Variants in MIPEP observed in about 807,000 individuals in gnomAD.
The protein encoded by MIPEP is mitochondrial intermediate peptidase.
MIPEP carries 79 observed loss-of-function variants against 90.3 expected under a neutral mutation model. That is an observed-to-expected ratio of 0.87 (90% CI 0.73 to 1.05). The LOEUF (loss-of-function observed/expected upper bound fraction) is 1.05, where lower values mean the gene tolerates loss of function less well. Among genes scored for constraint, MIPEP ranks in the 50% least tolerant of loss-of-function variants. The pLI, the probability that MIPEP is intolerant of heterozygous loss-of-function variation, is 0.00. For synonymous variants in MIPEP, 334 were observed against 315.8 expected, an observed-to-expected ratio of 1.06 and a Z score of -0.61; for missense variants, 940 against 905.6, an observed-to-expected ratio of 1.04 and a Z score of -0.49.
At chr13:23,877,098 A>G (rs993814069) in intron 4 of MIPEP, among the ~76,000 whole-genome samples, 1 of 152,186 alleles carries the variant, frequency 6.6e-6, no homozygotes, top group Non-Finnish European at 1.5e-5. Context: ...ATGTTCTACT[A>G]TCTGGTATAA....
chr13:23,829,399 G>C (rs999920796), intron 14 of MIPEP, among the ~76,000 whole-genome samples: 1 of 151,656 alleles, frequency 6.6e-6, no homozygotes, highest in Admixed American at 6.6e-5. Flanking sequence ...TGTAAGCCTG[G>C]GCGAAAGAGC....
chr13:23,885,154 C>A (rs187595441), intron 2 of MIPEP, among the ~76,000 whole-genome samples: 2 of 152,172 alleles, frequency 1.3e-5, no homozygotes, highest in Non-Finnish European at 2.9e-5. Context: ...TTTTCAACAA[C>A]ATGGATGGTC....
intron 5 of MIPEP, among the ~76,000 whole-genome samples, chr13:23,871,435 T>G (rs2137520143): frequency 6.6e-6 from 1 of 152,290 alleles, no homozygotes; most frequent in East Asian, 1.9e-4. Flanking sequence ...AGTTATTGGT[T>G]ACTCAAAAAC....
chr13:23,748,167 A>C (rs1427351214), intron 18 of MIPEP, among the ~76,000 whole-genome samples: 1 of 152,214 alleles, frequency 6.6e-6, no homozygotes, highest in Non-Finnish European at 1.5e-5. Flanking sequence ...CAGCCTCCCA[A>C]GTAGCTGTGA....
At chr13:23,734,668 G>A (rs1298179401) in intron 18 of MIPEP, among the ~76,000 whole-genome samples, 1 of 152,100 alleles carries the variant, frequency 6.6e-6, no homozygotes, top group Non-Finnish European at 1.5e-5. Context: ...ACATGGACAC[G>A]TCAGTCTTCC....
Position 23,879,272 on chromosome 13 carries a change from T to C in MIPEP, c.535A>G (p.Thr179Ala), listed in dbSNP as rs1405707541. The C allele has an allele frequency of 2.5e-6, 4 of 1,593,406 alleles. No homozygotes were observed. Among genetic ancestry groups the C allele is most frequent in the African/African-American group, 2.7e-5 (2 of 74,406 alleles). The part of the protein sequence containing the change: ...KKLVDSLDPE[T>A]RRVAELFMFD... ...GGCAAAGAAATGAGTGAGTACCTTG[T>C]TTCTGGATCAAGGGAATCCACAAGT... The change falls in exon 4 of 19, where the codon ACA becomes GCA. Residue 179 changes from threonine to alanine, a missense_variant. Thr to Ala is a moderately conservative substitution (Grantham distance 58, BLOSUM62 0). Coordinates refer to ENST00000382172, the MANE Select transcript of MIPEP (RefSeq NM_005932.4).
intron 17 of MIPEP, 127 bp from the exon 18 acceptor site, chr13:23,756,745 C>A (rs965259324): frequency 2.4e-6 from 2 of 842,820 alleles, no homozygotes; most frequent in African/African-American, 3.4e-5. Context: ...ACAATTTGGC[C>A]CCTATTTTCT....
chr13:23,799,857 T>C (rs1384755824), intron 16 of MIPEP, among the ~76,000 whole-genome samples: 1 of 152,228 alleles, frequency 6.6e-6, no homozygotes, highest in Non-Finnish European at 1.5e-5. Flanking sequence ...TTTGAACAAC[T>C]TTTATGCCAT....
chr13:23,804,766 GT>G (rs1953087298), intron 16 of MIPEP, among the ~76,000 whole-genome samples: 1 of 152,186 alleles, frequency 6.6e-6, no homozygotes, highest in Non-Finnish European at 1.5e-5. Context: ...GACAATTGTA[GT>G]TTATTGATTA....
chr13:23,852,823 T>C (rs1869860604), intron 10 of MIPEP, among the ~76,000 whole-genome samples: 1 of 152,202 alleles, frequency 6.6e-6, no homozygotes, highest in Admixed American at 6.5e-5. Context: ...ATGCCTGTTA[T>C]TTCCCTTGCA....
chr13:23,800,530 A>G (rs1298978797), intron 16 of MIPEP, among the ~76,000 whole-genome samples: 1 of 152,176 alleles, frequency 6.6e-6, no homozygotes, highest in Non-Finnish European at 1.5e-5. Flanking sequence ...TGAGTAGAAA[A>G]TTTTGGATTT....
intron 14 of MIPEP, among the ~76,000 whole-genome samples, chr13:23,819,388 T>A (rs1010921906): frequency 6.6e-6 from 1 of 152,224 alleles, no homozygotes; most frequent in Non-Finnish European, 1.5e-5. Context: ...TGCTAATCAA[T>A]CGGCTTTTTT....
chr13:23,849,591 A>G (rs1869715108), intron 10 of MIPEP, among the ~76,000 whole-genome samples: 1 of 152,238 alleles, frequency 6.6e-6, no homozygotes, highest in South Asian at 2.1e-4. Flanking sequence ...ACAGATTTTC[A>G]GCAAAGAACC....
chr13:23,760,617 G>A (rs1285531531), intron 16 of MIPEP: 1 of 522,512 alleles, frequency 1.9e-6, no homozygotes, highest in African/African-American at 1.9e-5. Flanking sequence ...GGCCTCGGGA[G>A]AAGCCAGATC....
intron 16 of MIPEP, among the ~76,000 whole-genome samples, chr13:23,762,103 C>T (rs9553052): frequency 0.2 from 30,030 of 151,358 alleles, 3,563 homozygotes; most frequent in East Asian, 0.43. Context: ...CCAGCCTAGG[C>T]GACAGAGCAA....
chr13:23,772,856 T>G (rs1260551806), intron 16 of MIPEP, among the ~76,000 whole-genome samples: 1 of 151,184 alleles, frequency 6.6e-6, no homozygotes, highest in East Asian at 1.9e-4. Context: ...TTCCCTGCTC[T>G]AAGACAGTGA....
intron 18 of MIPEP, among the ~76,000 whole-genome samples, chr13:23,754,117 C>CGAGAT (rs1450907049): frequency 6.6e-6 from 1 of 152,148 alleles, no homozygotes; most frequent in Non-Finnish European, 1.5e-5. Context: ...ATACTGCCAA[C>CGAGAT]GAGATCCTGT....
chr13:23,743,330 C>T (rs1952351146), intron 18 of MIPEP, among the ~76,000 whole-genome samples: 1 of 152,246 alleles, frequency 6.6e-6, no homozygotes, highest in Non-Finnish European at 1.5e-5. Context: ...AGATCTGTCT[C>T]TCCCAAGCCT....
chr13:23,786,471 C>T (rs1230849092), intron 16 of MIPEP, among the ~76,000 whole-genome samples: 2 of 151,730 alleles, frequency 1.3e-5, no homozygotes, highest in Admixed American at 6.6e-5. Flanking sequence ...AAAATCTTTT[C>T]GATGTTAAAA....
Sources: allele counts gnomAD v4.1 joint callset (sites outside exome capture counted in the v4.1 genomes callset), GRCh38; gene constraint gnomAD v4.1.1; transcripts MANE v1.5; gene names NCBI Gene and HGNC (gene_info 2026-07-23, HGNC 2026-07-21).